Variants in TAF6L observed in about 807,000 individuals in gnomAD.
The protein encoded by TAF6L is TAF6-like RNA polymerase II p300/CBP-associated factor-associated factor 65 kDa subunit 6L.
A neutral mutation model predicts 57.3 loss-of-function variants in TAF6L; 34 were observed. The observed-to-expected ratio is 0.59, with a 90% CI of 0.45 to 0.79. The LOEUF is 0.79. Ranked by LOEUF, TAF6L falls within the 30% of genes least tolerant of loss-of-function variation. TAF6L has a pLI of 0.00. For missense variants in TAF6L, 782 were observed against 853.2 expected, an observed-to-expected ratio of 0.92 and a Z score of 1.04; for synonymous variants, 417 against 376.3, an observed-to-expected ratio of 1.11 and a Z score of -1.25.
chr11:62,783,438 C>T (rs1051130828), intron 9 of TAF6L, among the ~76,000 whole-genome samples: 3 of 150,690 alleles, frequency 2.0e-5, no homozygotes, highest in African/African-American at 7.3e-5. Flanking sequence ...GCCGAGATTG[C>T]GCCACTACAC....
At chr11:62,780,678 C>T (rs944856265) in intron 6 of TAF6L, among the ~76,000 whole-genome samples, 23 of 151,660 alleles carry the variant, frequency 1.5e-4, no homozygotes, top group Admixed American at 1.5e-3. Flanking sequence ...GCCTGTAATC[C>T]CAGCAGTTTG....
chr11:62,782,887 A>C (rs1359684558), intron 9 of TAF6L, 62 bp downstream of exon 9: 3 of 1,594,076 alleles, frequency 1.9e-6, no homozygotes, highest in African/African-American at 2.7e-5. Flanking sequence ...GAAAAATAGT[A>C]CTTGTGCATC....
At position 62,776,376 on chromosome 11, in the gene TAF6L, C is replaced by T. The variant is rs759256462; in HGVS notation, c.148-8C>T. 1.9e-6 allele frequency: 3 copies of T among 1,613,050 alleles called. No individual in the cohort carries two copies. The East Asian group carries it at 6.7e-5, about 36-fold the overall frequency. Reference sequence around the variant, plus strand: ...CTTTGACTCTGGCTTTTGTTCCCTCCCTCCCAGAATAGCTCTCAGTTCATG... The same window carrying T: ...CTTTGACTCTGGCTTTTGTTCCCTCTCTCCCAGAATAGCTCTCAGTTCATG... On this transcript the variant is annotated splice_polypyrimidine_tract_variant and splice_region_variant and intron_variant, in intron 2 of 10. Coordinates refer to ENST00000294168, the MANE Select transcript of TAF6L (RefSeq NM_006473.4).
chr11:62,779,019 GTTTT>G (rs373542247), intron 6 of TAF6L, 56 bp downstream of exon 6: 774 of 929,626 alleles, frequency 8.3e-4, no homozygotes, highest in Non-Finnish European at 9.3e-4. Context: ...TTCTAGACCT[GTTTT>G]TTTTTTTTTT....
rs1280725881 is a variant in TAF6L, at chr11:62,782,110, C to G, written c.607-3C>G. On this transcript the variant is annotated splice_region_variant and splice_polypyrimidine_tract_variant and intron_variant, in intron 7 of 10. Coordinates refer to ENST00000294168, the MANE Select transcript of TAF6L (RefSeq NM_006473.4). ...CCTGTAAGCTACCCTCTTCTCCCAA[C>G]AGGTGAAATCTGTAAGCCATGACCT... 1 of 1,601,186 alleles carries G rather than the reference C, an allele frequency of 6.2e-7. No individual in the cohort carries two copies. The highest frequency in any genetic ancestry group is 1.7e-5 in the Admixed American group (1 of 59,006).
chr11:62,775,910 C>G lies in TAF6L; in HGVS notation c.127C>G (p.Arg43Gly), dbSNP rs1284882457. The G allele has an allele frequency of 6.2e-7, 1 of 1,612,124 alleles. No homozygotes were observed. Among genetic ancestry groups the G allele is most frequent in the Non-Finnish European group, 8.5e-7 (1 of 1,179,022 alleles). Residue 43 changes from arginine to glycine, a missense_variant, in exon 2 of 11, where the codon CGT becomes GGT. Arg to Gly is a moderately radical substitution (Grantham distance 125, BLOSUM62 -2). This residue lies in a region of TAF6L where 220 missense variants were observed against 252.1 expected (regional missense o/e 0.87). Transcript: ENST00000294168. ...AALLAEDVCYRLREATQNSSQ... is the reference protein window; with the variant it reads ...AALLAEDVCYGLREATQNSSQ... The stretch of plus-strand genomic sequence containing the variant: ...GCTGCTCGCAGAGGACGTGTGCTAT[C>G]GTCTGAGAGAGGCCACGCAGGTACA...
intron 6 of TAF6L, among the ~76,000 whole-genome samples, chr11:62,780,689 G>A (rs182802440): frequency 6.6e-6 from 1 of 152,112 alleles, no homozygotes; most frequent in African/African-American, 2.4e-5. Context: ...CAGCAGTTTG[G>A]GAGGCCGAGG....
At chr11:62,779,263 C>T (rs2084209575) in intron 6 of TAF6L, among the ~76,000 whole-genome samples, 1 of 151,756 alleles carries the variant, frequency 6.6e-6, no homozygotes, top group African/African-American at 2.4e-5. Flanking sequence ...GGCGCGATCT[C>T]GGCTCACTGC....
At chr11:62,783,375 G>A (rs189964931) in intron 9 of TAF6L, among the ~76,000 whole-genome samples, 2,329 of 151,996 alleles carry the variant, frequency 0.015, 51 homozygotes, top group African/African-American at 0.053. Context: ...CCAGCTACTC[G>A]GGAGGCTGAG....
intron 1 of TAF6L, among the ~76,000 whole-genome samples, chr11:62,772,751 T>TTG (rs1310674480): frequency 6.8e-6 from 1 of 146,464 alleles, no homozygotes; most frequent in East Asian, 2.0e-4. Flanking sequence ...TGAGCCGAGA[T>TTG]CAAGCCACTG....
At chr11:62,778,566 G>C (rs2084204056) in intron 5 of TAF6L, 6 of 628,864 alleles carry the variant, frequency 9.5e-6, no homozygotes, top group Non-Finnish European at 1.7e-5. Flanking sequence ...ACAGAAGTCT[G>C]GGCAGCATGC....
At chr11:62,785,610 C>G (rs996419173) in intron 9 of TAF6L, among the ~76,000 whole-genome samples, 1 of 150,786 alleles carries the variant, frequency 6.6e-6, no homozygotes, top group Non-Finnish European at 1.5e-5. Context: ...TCTCGGCTCA[C>G]TGCAACCTCT....
At chr11:62,777,287 AC>A (rs757545836) in intron 3 of TAF6L, among the ~76,000 whole-genome samples, 71 of 152,316 alleles carry the variant, frequency 4.7e-4, no homozygotes, top group Non-Finnish European at 8.1e-4. Flanking sequence ...AGATCACGCC[AC>A]TGCATTCCAG....
At chr11:62,773,473 G>A (rs1316495912) in intron 1 of TAF6L, among the ~76,000 whole-genome samples, 1 of 142,960 alleles carries the variant, frequency 7.0e-6, no homozygotes, top group African/African-American at 2.6e-5. Flanking sequence ...TTGAGACGGA[G>A]TTTTCCCCTT....
intron 1 of TAF6L, chr11:62,774,765 A>G (rs2084172917): frequency 5.1e-6 from 2 of 392,822 alleles, no homozygotes; most frequent in South Asian, 1.8e-5. Context: ...CCTGGCCAAC[A>G]TGGCGAAATC....
chr11:62,785,625 C>G (rs542784724), intron 9 of TAF6L, among the ~76,000 whole-genome samples: 2 of 150,416 alleles, frequency 1.3e-5, no homozygotes, highest in African/African-American at 4.9e-5. Context: ...ACCTCTGCCC[C>G]CCGAGTTCAA....
At chr11:62,771,544 TACTC>T (rs997696464) in intron 1 of TAF6L, 54 bp downstream of exon 1, 10 of 159,434 alleles carry the variant, frequency 6.3e-5, no homozygotes, top group African/African-American at 2.4e-4. Flanking sequence ...GCCGACTGCT[TACTC>T]ACCAGTCTTG....
At chr11:62,781,997 T>A (rs752589970) in intron 7 of TAF6L, 29 bp downstream of exon 7, 13 of 1,612,418 alleles carry the variant, frequency 8.1e-6, no homozygotes, top group Non-Finnish European at 1.1e-5. Context: ...ACAGGGAGAA[T>A]GTTTTATAAG....
chr11:62,782,102 T>C lies in TAF6L; in HGVS notation c.607-11T>C. 2 of 1,598,128 alleles carry C rather than the reference T, an allele frequency of 1.3e-6. No homozygotes were observed. Among genetic ancestry groups the C allele is most frequent in the African/African-American group, 1.3e-5 (1 of 74,756 alleles). On this transcript the variant is annotated splice_polypyrimidine_tract_variant and intron_variant, in intron 7 of 10. Transcript: ENST00000294168. ...CTCATGTCCCTGTAAGCTACCCTCTTCTCCCAACAGGTGAAATCTGTAAGC... is the reference window on the plus strand; with the variant it reads ...CTCATGTCCCTGTAAGCTACCCTCTCCTCCCAACAGGTGAAATCTGTAAGC...
Sources: allele counts gnomAD v4.1 joint callset (sites outside exome capture counted in the v4.1 genomes callset), GRCh38; gene constraint gnomAD v4.1.1; regional missense constraint gnomAD v4.1.1; transcripts MANE v1.5; gene names NCBI Gene and HGNC (gene_info 2026-07-23, HGNC 2026-07-21).